Variants in PLEKHO2 observed in about 807,000 individuals in gnomAD.
The protein encoded by PLEKHO2 is pleckstrin homology domain containing O2, also known as pleckstrin homology domain-containing family O member 2.
A neutral mutation model predicts 32.7 loss-of-function variants in PLEKHO2; 20 were observed. That is an observed-to-expected ratio of 0.61 (90% CI 0.43 to 0.89). The LOEUF (loss-of-function observed/expected upper bound fraction) is 0.89, where lower values mean the gene tolerates loss of function less well. Ranked by LOEUF, PLEKHO2 falls within the 40% of genes least tolerant of loss-of-function variation. The pLI, the probability that PLEKHO2 is intolerant of heterozygous loss-of-function variation, is 0.00. For missense variants in PLEKHO2, 568 were observed against 621.2 expected, an observed-to-expected ratio of 0.91 and a Z score of 0.91; for synonymous variants, 247 against 246.3, an observed-to-expected ratio of 1.00 and a Z score of -0.03.
intron 4 of PLEKHO2, among the ~76,000 whole-genome samples, chr15:64,860,467 A>C (rs927876341): frequency 2.0e-5 from 3 of 152,188 alleles, no homozygotes; most frequent in African/African-American, 7.2e-5. Context: ...CCTGTGCTGT[A>C]CTGGGGACTG....
chr15:64,865,816 G>A lies in PLEKHO2; in HGVS notation c.1401G>A (p.Leu467=), dbSNP rs766633704. The A allele has an allele frequency of 6.2e-6, 10 of 1,613,580 alleles. No homozygotes were observed. The East Asian group carries it at 2.0e-4, about 32-fold the overall frequency. ...AGGAAATGAGAGATTTGGGAGAGCT[G>A]AGCCAGGAAGCACCTGGGCTAAGGG... is the stretch of plus-strand genomic sequence containing the variant. ...VLQEMRDLGE[L]SQEAPGLREK... is the part of the protein sequence containing the mutation. The change falls in exon 6 of 6, where the codon CTG becomes CTA. Residue 467 remains leucine, a synonymous_variant. Coordinates refer to ENST00000323544, the MANE Select transcript of PLEKHO2 (RefSeq NM_025201.5).
In PLEKHO2 at chr15:64,866,473, G is replaced by T; in HGVS notation, c.*585G>T. 2.3e-6 allele frequency: 1 copy of T among 443,456 alleles called. No homozygotes were observed. The highest frequency in any genetic ancestry group is 1.6e-5 in the South Asian group (1 of 63,498). 27.5% of individuals were successfully genotyped at this position (443,456 alleles called of 1,614,324 possible). The stretch of plus-strand genomic sequence containing the variant: ...CCAGCTGGAGCCTCTTGAGGGAGAT[G>T]AGAGGCCTCTTTGTGAGGAGGACAT... On this transcript the variant is annotated 3_prime_UTR_variant, in exon 6 of 6. Coordinates refer to ENST00000323544, the MANE Select transcript of PLEKHO2 (RefSeq NM_025201.5).
intron 2 of PLEKHO2, among the ~76,000 whole-genome samples, chr15:64,853,310 T>C (rs2084583313): frequency 6.9e-6 from 1 of 144,876 alleles, no homozygotes; most frequent in South Asian, 2.2e-4. Flanking sequence ...AGAGTCTCGC[T>C]CTGTTGCCCA....
intron 5 of PLEKHO2, among the ~76,000 whole-genome samples, chr15:64,861,870 G>GAGCTC (rs1221583344): frequency 7.2e-5 from 11 of 152,326 alleles, no homozygotes; most frequent in Non-Finnish European, 1.2e-4. Flanking sequence ...CTGCCCCTCA[G>GAGCTC]AGCTCGTCTT....
rs2140348143 is a variant in PLEKHO2, at chr15:64,866,876, T to C, written c.*988T>C. 1 of 153,162 alleles carries C rather than the reference T, an allele frequency of 6.5e-6. No individual in the cohort carries two copies. The highest frequency in any genetic ancestry group is 2.4e-5 in the African/African-American group (1 of 41,556). The allele number at this position is 153,162 out of a possible 1,614,324, so 9.5% of individuals were successfully genotyped here. ...GTATCCCAGTCATTTCTTCAAATGC[T>C]GATAGGGGTATGTTGGAATCCGAAG... On this transcript the variant is annotated 3_prime_UTR_variant, in exon 6 of 6. Transcript: ENST00000323544.
intron 1 of PLEKHO2, among the ~76,000 whole-genome samples, chr15:64,842,473 T>A (rs1187512128): frequency 6.6e-6 from 1 of 151,016 alleles, no homozygotes; most frequent in African/African-American, 2.4e-5. Context: ...GGGGTTCCTG[T>A]CTCAAGGATC....
chr15:64,859,811 A>T, intron 3 of PLEKHO2, 83 bp from the exon 4 acceptor site: 1 of 1,176,790 alleles, frequency 8.5e-7, no homozygotes, highest in Non-Finnish European at 1.3e-6. Context: ...TGACTTTGGG[A>T]TCTAGGTAAG....
At chr15:64,853,307 C>T (rs1205984508) in intron 2 of PLEKHO2, among the ~76,000 whole-genome samples, 8 of 141,304 alleles carry the variant, frequency 5.7e-5, no homozygotes, top group East Asian at 4.3e-4. Flanking sequence ...GACAGAGTCT[C>T]GCTCTGTTGC....
intron 1 of PLEKHO2, among the ~76,000 whole-genome samples, chr15:64,846,474 C>T (rs936858): frequency 0.14 from 20,786 of 152,008 alleles, 1,573 homozygotes; most frequent in East Asian, 0.32. Flanking sequence ...CACCACCGCC[C>T]GGCTATTTTT....
chr15:64,848,551 A>G (rs893868047), intron 1 of PLEKHO2, 42 bp from the exon 2 acceptor site: 4 of 1,612,182 alleles, frequency 2.5e-6, no homozygotes, highest in Non-Finnish European at 3.4e-6. Flanking sequence ...CTGTGACCCC[A>G]TGGTAGCAAC....
intron 1 of PLEKHO2, among the ~76,000 whole-genome samples, chr15:64,843,741 T>C (rs562840070): frequency 2.0e-5 from 3 of 152,098 alleles, no homozygotes; most frequent in Admixed American, 2.0e-4. Flanking sequence ...CCACCACGCC[T>C]GGCTAATTTT....
intron 2 of PLEKHO2, among the ~76,000 whole-genome samples, chr15:64,852,330 G>A (rs1567096013): frequency 6.6e-6 from 1 of 152,142 alleles, no homozygotes; most frequent in Non-Finnish European, 1.5e-5. Context: ...GCTAGAGATT[G>A]GAAAGGGATG....
At chr15:64,842,138 C>A in intron 1 of PLEKHO2, 110 bp downstream of exon 1, 1 of 1,049,158 alleles carries the variant, frequency 9.5e-7, no homozygotes, top group Non-Finnish European at 1.2e-6. Context: ...CCGCCAGTCT[C>A]ACCTCAGGAA....
chr15:64,850,337 G>T (rs982946298), intron 2 of PLEKHO2, among the ~76,000 whole-genome samples: 1 of 152,160 alleles, frequency 6.6e-6, no homozygotes, highest in African/African-American at 2.4e-5. Context: ...CCAGTGAATG[G>T]AGGAGTTAGG....
intron 4 of PLEKHO2, among the ~76,000 whole-genome samples, chr15:64,861,063 C>T (rs1251888005): frequency 2.0e-5 from 3 of 152,252 alleles, no homozygotes; most frequent in Admixed American, 6.5e-5. Context: ...AGGCCCTGCT[C>T]TCTCTCTGGG....
At chr15:64,850,050 C>T (rs1180270394) in intron 2 of PLEKHO2, among the ~76,000 whole-genome samples, 1 of 151,860 alleles carries the variant, frequency 6.6e-6, no homozygotes, top group African/African-American at 2.4e-5. Context: ...ATGCCAGCTA[C>T]TCAGGAGGCT....
At position 64,867,632 on chromosome 15, in the gene PLEKHO2, C is replaced by T. The variant is rs987645205; in HGVS notation, c.*1744C>T. The T allele has an allele frequency of 3.3e-5, 5 of 152,298 alleles. No homozygotes were observed. The highest frequency in any genetic ancestry group is 1.2e-4 in the African/African-American group (5 of 41,460). 9.4% of individuals were successfully genotyped at this position (152,298 alleles called of 1,614,324 possible). On this transcript the variant is annotated 3_prime_UTR_variant, in exon 6 of 6. Transcript: ENST00000323544. ...GCCACCTACTGCCAGGAATTGGAGCCTCAGTTCCCTCCTGTGTCAAGTAGC... is the reference window on the plus strand; with the variant it reads ...GCCACCTACTGCCAGGAATTGGAGCTTCAGTTCCCTCCTGTGTCAAGTAGC...
intron 2 of PLEKHO2, among the ~76,000 whole-genome samples, chr15:64,853,267 C>G (rs149543023): frequency 0.016 from 2,282 of 146,056 alleles, 63 homozygotes; most frequent in African/African-American, 0.058. Flanking sequence ...GTTTGCATTT[C>G]TTTTTCTTTT....
intron 2 of PLEKHO2, 93 bp from the exon 3 acceptor site, chr15:64,854,828 G>A (rs1242332034): frequency 5.1e-6 from 5 of 972,592 alleles, no homozygotes; most frequent in African/African-American, 1.6e-5. Context: ...TGATGTCCTC[G>A]CTGAGTGGGA....
Sources: gnomAD v4.1 joint callset for allele counts (sites outside exome capture counted in the v4.1 genomes callset) on GRCh38, gnomAD v4.1.1 for gene constraint, MANE v1.5 for transcripts, NCBI Gene and HGNC (gene_info 2026-07-23, HGNC 2026-07-21) for gene names.